DNAJC24: variants seen among roughly 807,000 people sequenced by gnomAD.
DNAJC24 encodes DnaJ heat shock protein family (Hsp40) member C24, also known as dnaJ homolog subfamily C member 24.
DNAJC24 carries 17 observed loss-of-function variants against 18.0 expected under a neutral mutation model. The observed-to-expected ratio is 0.94, with a 90% CI of 0.65 to 1.42. The LOEUF (loss-of-function observed/expected upper bound fraction) is 1.42, where lower values mean the gene tolerates loss of function less well. Ranked by LOEUF, DNAJC24 falls within the 40% of genes most tolerant of loss-of-function variation. The pLI, the probability that DNAJC24 is intolerant of heterozygous loss-of-function variation, is 0.00. For synonymous variants in DNAJC24, 55 were observed against 57.7 expected (o/e 0.95, Z 0.21); for missense variants, 158 against 175.6 (o/e 0.90, Z 0.57).
chr11:31,413,623 C>A (rs188919355), intron 2 of DNAJC24, among the ~76,000 whole-genome samples: 19 of 152,234 alleles, frequency 1.2e-4, no homozygotes, highest in Admixed American at 2.6e-4. Flanking sequence ...TGAGCCACTG[C>A]ACCCGGCCAT....
Position 31,375,827 on chromosome 11 carries a change from A to G in DNAJC24, c.111+4968A>G, listed in dbSNP as rs776775629. Among the ~76,000 whole-genome samples the G allele has an allele frequency of 1.4e-4, 19 of 135,644 alleles. 5 individuals are homozygous for G. Among genetic ancestry groups the G allele is most frequent in the Non-Finnish European group, 2.7e-4 (16 of 58,568 alleles). The allele number at this position is 135,644 out of a possible 152,430, so 89.0% of individuals were successfully genotyped here. On this transcript the variant is annotated intron_variant, in intron 2 of 4. Coordinates refer to ENST00000465995, the MANE Select transcript of DNAJC24 (RefSeq NM_181706.5). ...GAGATGAAGTGAAGCAGCAAATTAC[A>G]GGAGAGAGAATTTCAACTAGCATTA...
chr11:31,371,364 C>T (rs929858709), intron 2 of DNAJC24, among the ~76,000 whole-genome samples: 1 of 152,116 alleles, frequency 6.6e-6, no homozygotes, highest in Non-Finnish European at 1.5e-5. Context: ...TTAAAGTTCA[C>T]TGGTTTTATT....
intron 2 of DNAJC24, chr11:31,396,181 T>C: frequency 4.8e-6 from 2 of 413,108 alleles, no homozygotes; most frequent in South Asian, 3.6e-5. Context: ...TCTGATACTG[T>C]TGTAAGTCTT....
Position 31,432,322 on chromosome 11 carries a change from C to T in DNAJC24, c.*1921C>T. 8.0e-6 allele frequency: 4 copies of T among 499,814 alleles called. No individual in the cohort carries two copies. Among genetic ancestry groups the T allele is most frequent in the South Asian group, 8.0e-5 (2 of 25,076 alleles). The allele number at this position is 499,814 out of a possible 1,614,324, so 31.0% of individuals were successfully genotyped here. A position where few individuals can be genotyped will look rare whatever the true frequency, so the allele number is the denominator to read the frequency against. ...GACTTTTTTGGGTTACATTTTTATC[C>T]ATATATTTTGAACTAACAGAACTTG... On this transcript the variant is annotated 3_prime_UTR_variant, in exon 5 of 5. Coordinates refer to ENST00000465995, the MANE Select transcript of DNAJC24 (RefSeq NM_181706.5).
chr11:31,400,198 G>A (rs886646345), intron 2 of DNAJC24, among the ~76,000 whole-genome samples: 4 of 152,068 alleles, frequency 2.6e-5, no homozygotes, highest in Admixed American at 2.0e-4. Context: ...CTTTGCTATT[G>A]TAAATGTGCT....
intron 4 of DNAJC24, 26 bp downstream of exon 4, chr11:31,426,381 A>T: frequency 7.6e-7 from 1 of 1,322,824 alleles, no homozygotes; most frequent in Non-Finnish European, 1.0e-6. Flanking sequence ...TCTCTTGACA[A>T]CATTTAAAAA....
At chr11:31,403,124 C>CGT (rs1952617640) in intron 2 of DNAJC24, among the ~76,000 whole-genome samples, 3 of 113,012 alleles carry the variant, frequency 2.7e-5, no homozygotes, top group African/African-American at 3.6e-5. Flanking sequence ...TGCATATATG[C>CGT]ATGTGTGTGT....
At chr11:31,377,327 G>T (rs920681684) in intron 2 of DNAJC24, among the ~76,000 whole-genome samples, 1 of 151,866 alleles carries the variant, frequency 6.6e-6, no homozygotes, top group African/African-American at 2.4e-5. Flanking sequence ...TCCTGATTCT[G>T]AAAAAATTCT....
chr11:31,411,696 A>G (rs891310453), intron 2 of DNAJC24, among the ~76,000 whole-genome samples: 1 of 152,230 alleles, frequency 6.6e-6, no homozygotes, highest in Non-Finnish European at 1.5e-5. Flanking sequence ...TCTTCTAAGA[A>G]CACTTTGAAT....
intron 2 of DNAJC24, among the ~76,000 whole-genome samples, chr11:31,387,501 G>T (rs1952441184): frequency 6.6e-6 from 1 of 152,142 alleles, no homozygotes; most frequent in Non-Finnish European, 1.5e-5. Flanking sequence ...GATCACCAAG[G>T]CAGTAACTCT....
At chr11:31,395,614 C>T (rs895486585) in intron 2 of DNAJC24, among the ~76,000 whole-genome samples, 3 of 152,084 alleles carry the variant, frequency 2.0e-5, no homozygotes, top group Admixed American at 2.0e-4. Flanking sequence ...AATATATTGA[C>T]TCATAATGTG....
intron 2 of DNAJC24, among the ~76,000 whole-genome samples, chr11:31,391,460 C>T (rs531948418): frequency 1.3e-5 from 2 of 152,136 alleles, no homozygotes; most frequent in African/African-American, 2.4e-5. Context: ...ATAGACATTT[C>T]TTCAAAGAAG....
intron 3 of DNAJC24, among the ~76,000 whole-genome samples, chr11:31,420,137 C>G (rs528361406): frequency 1.3e-5 from 2 of 152,186 alleles, no homozygotes; most frequent in Admixed American, 1.3e-4. Context: ...GTCCCTGCTA[C>G]TTTTTCCGAC....
At chr11:31,380,011 C>A (rs631624) in intron 2 of DNAJC24, among the ~76,000 whole-genome samples, 15,017 of 152,110 alleles carry the variant, frequency 0.099, 2,065 homozygotes, top group African/African-American at 0.31. Context: ...CTCAGGTGAT[C>A]CACCCGCCTC....
intron 2 of DNAJC24, among the ~76,000 whole-genome samples, chr11:31,389,311 A>G: frequency 6.6e-6 from 1 of 152,188 alleles, no homozygotes; most frequent in East Asian, 1.9e-4. Context: ...ATGTAGAAAT[A>G]CATTCCATGC....
intron 2 of DNAJC24, among the ~76,000 whole-genome samples, chr11:31,379,732 C>G (rs1952357044): frequency 6.6e-6 from 1 of 151,984 alleles, no homozygotes; most frequent in Non-Finnish European, 1.5e-5. Context: ...CCACAGTTTC[C>G]TTTTACAGAC....
At chr11:31,403,789 A>AAGAGGTCTCAATCCAGACCCC (rs1952626176) in intron 2 of DNAJC24, among the ~76,000 whole-genome samples, 1 of 152,180 alleles carries the variant, frequency 6.6e-6, no homozygotes, top group African/African-American at 2.4e-5. Flanking sequence ...TGTTACAGGA[A>AAGAGGTCTCAATCCAGACCCC]AGAGGTCTCA....
chr11:31,397,819 T>C (rs1272546524), intron 2 of DNAJC24, among the ~76,000 whole-genome samples: 1 of 152,034 alleles, frequency 6.6e-6, no homozygotes, highest in East Asian at 1.9e-4. Context: ...TTTTTTTTTT[T>C]TATTTTCCCC....
chr11:31,376,505 G>C (rs995114900), intron 2 of DNAJC24, among the ~76,000 whole-genome samples: 3 of 152,172 alleles, frequency 2.0e-5, no homozygotes, highest in African/African-American at 7.2e-5. Flanking sequence ...ATTGTACTTA[G>C]CAGTTTACAA....
Sources: allele counts gnomAD v4.1 joint callset (sites outside exome capture counted in the v4.1 genomes callset), GRCh38; gene constraint gnomAD v4.1.1; transcripts MANE v1.5; gene names NCBI Gene and HGNC (gene_info 2026-07-23, HGNC 2026-07-21).